The following SMS variants were observed in gnomAD, a reference collection of about 807,000 sequenced individuals.
SMS encodes spermine synthase.
A neutral mutation model predicts 33.0 loss-of-function variants in SMS; 3 were observed. That is an observed-to-expected ratio of 0.09 (90% CI 0.04 to 0.23). The LOEUF is 0.23. SMS is among the 10% of genes least tolerant of loss of function. SMS has a pLI of 1.00. For synonymous variants in SMS, 103 were observed against 112.2 expected, an observed-to-expected ratio of 0.92 and a Z score of 0.52; for missense variants, 117 against 288.6, an observed-to-expected ratio of 0.41 and a Z score of 4.31.
At chrX:21,976,327 A>G (rs1421997150) in intron 4 of SMS, among the ~76,000 whole-genome samples, 1 of 110,787 alleles carries the variant, frequency 9.0e-6, no homozygotes, top group African/African-American at 3.3e-5. Context: ...ACCTTTGCAA[A>G]TGGAGAGAGC....
Position 21,948,761 on chromosome X carries a change from A to G in SMS, c.49+7888A>G, listed in dbSNP as rs1030518433. On this transcript the variant is annotated intron_variant, in intron 1 of 10. Transcript: ENST00000404933. The stretch of plus-strand genomic sequence containing the variant: ...TACTAGCATCTGTTTAAAAACGTCA[A>G]TAAAGTTCTTAGTTTAGTTTTTGGA... Among the ~76,000 whole-genome samples the G allele has an allele frequency of 4.5e-5, 5 of 111,804 alleles. 1 individual carries two copies. Among genetic ancestry groups the G allele is most frequent in the Non-Finnish European group, 9.4e-5 (5 of 53,197 alleles).
rs1406267221 is a variant in SMS at position 21,978,029 on chromosome X, A to G, written c.575A>G (p.Lys192Arg). 16 of 1,206,517 alleles carry G rather than the reference A, an allele frequency of 1.3e-5. No homozygotes were observed. The highest frequency in any genetic ancestry group is 1.8e-5 in the Non-Finnish European group (16 of 892,160). Residue 192 changes from lysine to arginine, a missense_variant, in exon 6 of 11, where the codon AAA becomes AGA. Transcript: ENST00000404933. Reference protein sequence around the residue: ...MGSGKEDYTGKDVLILGGGDG... With the variant: ...MGSGKEDYTGRDVLILGGGDG... ...AGTGGCAAAGAAGATTACACTGGCA[A>G]AGATGTACTCATTCTGGGAGGTGGA...
chrX:21,976,415 G>A (rs761170239), intron 4 of SMS, among the ~76,000 whole-genome samples: 24 of 111,214 alleles, frequency 2.2e-4, no homozygotes, highest in African/African-American at 7.8e-4. Flanking sequence ...TTGTGTTCCC[G>A]ATGTGATGCC....
chrX:21,948,685 C>T (rs187636108), intron 1 of SMS, among the ~76,000 whole-genome samples: 5 of 111,215 alleles, frequency 4.5e-5, no homozygotes, highest in Admixed American at 1.9e-4. Context: ...TTTATAATTG[C>T]GATCACCATG....
In SMS at chrX:21,982,673, A is replaced by G. The variant is rs1353630398; in HGVS notation, c.751-1631A>G. Among the ~76,000 whole-genome samples, 6 of 112,784 alleles carry G rather than the reference A, an allele frequency of 5.3e-5. 1 individual carries two copies. The Admixed American group carries it at 5.6e-4, about 11-fold the overall frequency. ...TTTTTAGTGGAATGGTGTATTTTTT[A>G]AAATGTGTGTTATTACCTGGAGAGA... On this transcript the variant is annotated intron_variant, in intron 7 of 10. Transcript: ENST00000404933.
intron 1 of SMS, among the ~76,000 whole-genome samples, chrX:21,961,512 T>C (rs1321437085): frequency 9.0e-6 from 1 of 111,527 alleles, no homozygotes; most frequent in Non-Finnish European, 1.9e-5. Flanking sequence ...CTGGAGCTGA[T>C]GCTCCGGGTC....
intron 1 of SMS, among the ~76,000 whole-genome samples, chrX:21,945,057 C>G (rs758184920): frequency 8.9e-6 from 1 of 112,002 alleles, no homozygotes; most frequent in African/African-American, 3.3e-5. Context: ...TGGAAGGTCT[C>G]TAACAGGCCA....
At chrX:21,947,810 A>G (rs1042420705) in intron 1 of SMS, among the ~76,000 whole-genome samples, 2 of 111,551 alleles carry the variant, frequency 1.8e-5, no homozygotes, top group African/African-American at 6.5e-5. Context: ...CCCCCAGTAT[A>G]TTCCTTGTGC....
intron 1 of SMS, among the ~76,000 whole-genome samples, chrX:21,942,829 CTT>C (rs772851812): frequency 1.3e-4 from 11 of 81,851 alleles, no homozygotes; most frequent in Admixed American, 2.7e-4. Flanking sequence ...ATTTTCTTAA[CTT>C]TTTTTTTTTT....
intron 1 of SMS, among the ~76,000 whole-genome samples, chrX:21,966,965 C>T (rs1218087401): frequency 4.5e-5 from 5 of 111,252 alleles, no homozygotes; most frequent in Non-Finnish European, 7.5e-5. Flanking sequence ...TGGTGGTCTG[C>T]GTTGCCTTTC....
intron 1 of SMS, among the ~76,000 whole-genome samples, chrX:21,959,092 G>C (rs1923167460): frequency 8.9e-6 from 1 of 111,892 alleles, no homozygotes; most frequent in South Asian, 3.7e-4. Context: ...TGTGTCATGA[G>C]CTTCATTTCA....
At chrX:21,947,824 C>T (rs1448887956) in intron 1 of SMS, among the ~76,000 whole-genome samples, 1 of 111,394 alleles carries the variant, frequency 9.0e-6, no homozygotes, top group African/African-American at 3.3e-5. Context: ...CTTGTGCTTC[C>T]CGGTAGCCAG....
rs957265124 is a variant in SMS, at chrX:21,977,990, G to A, written c.536G>A (p.Arg179Gln). The A allele has an allele frequency of 2.5e-6, 3 of 1,209,174 alleles. No individual in the cohort carries two copies. The highest frequency in any genetic ancestry group is 2.3e-4 in the Middle Eastern group (1 of 4,347). The change falls in exon 6 of 11, where the codon CGG becomes CAG. Residue 179 changes from arginine to glutamine, a missense_variant. By Grantham distance (43) the Arg-to-Gln change is conservative. Around this residue, in one of 3 missense-constraint regions of SMS, gnomAD observed 69 missense variants for 203.8 expected, o/e 0.34. Coordinates refer to ENST00000404933, the MANE Select transcript of SMS (RefSeq NM_004595.5). ...NLAESDLAYT[R>Q]AIMGSGKEDY... is the part of the protein sequence containing the mutation. ...GCAGAGAGTGATTTGGCATATACCC[G>A]GGCCATCATGGGCAGTGGCAAAGAA... is the stretch of plus-strand genomic sequence containing the variant.
chrX:21,948,826 C>A (rs1369354088), intron 1 of SMS, among the ~76,000 whole-genome samples: 1 of 112,253 alleles, frequency 8.9e-6, no homozygotes, highest in East Asian at 2.8e-4. Context: ...TATTTCACTG[C>A]AGTTGTAACC....
chrX:21,974,360 G>A (rs1256344711), intron 4 of SMS, among the ~76,000 whole-genome samples: 1 of 111,921 alleles, frequency 8.9e-6, no homozygotes, highest in Non-Finnish European at 1.9e-5. Context: ...GAGCACTCAG[G>A]CTCTTTTGGA....
At chrX:21,985,464 T>G (rs1269256846) in intron 9 of SMS, among the ~76,000 whole-genome samples, 4 of 111,575 alleles carry the variant, frequency 3.6e-5, no homozygotes, top group African/African-American at 1.3e-4. Context: ...ACTGATTTTC[T>G]TTTTTCCCCT....
intron 7 of SMS, among the ~76,000 whole-genome samples, chrX:21,983,035 C>CT (rs1293970952): frequency 6.2e-4 from 68 of 110,254 alleles, no homozygotes; most frequent in Non-Finnish European, 8.5e-4. Flanking sequence ...TTGTGGTGAA[C>CT]TTTTTTTAAT....
chrX:21,943,341 T>G (rs1921958094), intron 1 of SMS, among the ~76,000 whole-genome samples: 1 of 111,816 alleles, frequency 8.9e-6, no homozygotes, highest in African/African-American at 3.3e-5. Flanking sequence ...TGAGAGAATT[T>G]TAACACTTGG....
intron 1 of SMS, 126 bp downstream of exon 1, chrX:21,940,999 A>C (rs2147479862): frequency 5.2e-6 from 1 of 191,842 alleles, no homozygotes; most frequent in South Asian, 2.4e-4. Context: ...GCGGCGCCGC[A>C]CTCTCCCGGA....
Sources: gnomAD v4.1 joint callset for allele counts (sites outside exome capture counted in the v4.1 genomes callset) on GRCh38, gnomAD v4.1.1 for gene constraint, gnomAD v4.1.1 regional missense constraint, MANE v1.5 for transcripts, NCBI Gene and HGNC (gene_info 2026-07-23, HGNC 2026-07-21) for gene names.